Variants in PNLIP observed in about 807,000 individuals in gnomAD.
The protein encoded by PNLIP is pancreatic lipase.
A neutral mutation model predicts 57.1 loss-of-function variants in PNLIP; 49 were observed. That is an observed-to-expected ratio of 0.86 (90% CI 0.68 to 1.09). The LOEUF is 1.09. Among genes scored for constraint, PNLIP ranks in the 50% least tolerant of loss-of-function variants. The pLI is 0.00. For missense variants in PNLIP, 503 were observed against 570.2 expected (o/e 0.88, Z 1.20); for synonymous variants, 209 against 200.4 (o/e 1.04, Z -0.36).
In PNLIP at chr10:116,547,442, C is replaced by A; in HGVS notation, c.195C>A (p.Asn65Lys). ...FLLYTNENPN[N>K]FQEVAADSSS... is the part of the protein sequence containing the mutation. ...TATATACTAATGAGAACCCAAACAA[C>A]TTTCAAGTAAGAACTATCACTGTGT... Residue 65 changes from asparagine to lysine, a missense_variant, in exon 3 of 13, where the codon AAC becomes AAA. Physicochemically the swap from Asn to Lys is moderately conservative, Grantham distance 94 (BLOSUM62 0). Transcript: ENST00000369221. The A allele has an allele frequency of 3.1e-6, 5 of 1,611,634 alleles. No individual in the cohort carries two copies. The highest frequency in any genetic ancestry group is 1.1e-5 in the South Asian group (1 of 90,614).
chr10:116,565,037 G>C (rs1847349811), intron 12 of PNLIP, among the ~76,000 whole-genome samples: 1 of 151,936 alleles, frequency 6.6e-6, no homozygotes, highest in Non-Finnish European at 1.5e-5. Context: ...GAGGCGGGTG[G>C]ATCATGAGGT....
chr10:116,549,730 C>T (rs570936285), intron 4 of PNLIP, among the ~76,000 whole-genome samples: 35 of 151,988 alleles, frequency 2.3e-4, no homozygotes, highest in African/African-American at 3.9e-4. Flanking sequence ...TATAGAACAG[C>T]AAAGAAAAAA....
Position 116,560,492 on chromosome 10 carries a change from T to C in PNLIP, c.1137T>C (p.Asn379=), listed in dbSNP as rs1847302869. The C allele has an allele frequency of 6.3e-7, 1 of 1,588,134 alleles. No individual in the cohort carries two copies. Among genetic ancestry groups the C allele is most frequent in the Non-Finnish European group, 8.6e-7 (1 of 1,161,262 alleles). The change falls in exon 11 of 13, where the codon AAT becomes AAC. Residue 379 remains asparagine, a synonymous_variant. Coordinates refer to ENST00000369221, the MANE Select transcript of PNLIP (RefSeq NM_000936.4). ...TGHILVSLFG[N]KGNSKQYEIF... ...ACATACTAGTTTCTTTGTTCGGAAATAAAGGAAACTCTAAGCAGTATGAAA... is the reference window on the plus strand; with the variant it reads ...ACATACTAGTTTCTTTGTTCGGAAACAAAGGAAACTCTAAGCAGTATGAAA...
At chr10:116,558,693 C>A (rs191604717) in intron 9 of PNLIP, among the ~76,000 whole-genome samples, 1 of 151,500 alleles carries the variant, frequency 6.6e-6, no homozygotes, top group Non-Finnish European at 1.5e-5. Context: ...AGTGCAGCCT[C>A]GGCTCACTGC....
chr10:116,557,252 CA>C (rs1160082103), intron 9 of PNLIP, among the ~76,000 whole-genome samples: 4 of 152,164 alleles, frequency 2.6e-5, no homozygotes, highest in Non-Finnish European at 4.4e-5. Flanking sequence ...AGGTTTCATT[CA>C]GTTAAAACTT....
rs375193409 is a variant in PNLIP, at chr10:116,555,346, A to C, written c.692-42A>C. 105 of 1,614,038 alleles carry C rather than the reference A, an allele frequency of 6.5e-5. 1 individual carries two copies. The African/African-American group carries it at 1.1e-3, about 17-fold the overall frequency. On this transcript the variant is annotated intron_variant, in intron 7 of 12. Transcript: ENST00000369221. ...AAAGGGTGTTATAGTGTCTGAGTCTATATACATTAGCATAAACCCTCATGT... is the reference window on the plus strand; with the variant it reads ...AAAGGGTGTTATAGTGTCTGAGTCTCTATACATTAGCATAAACCCTCATGT...
chr10:116,564,947 A>T (rs779623975), intron 12 of PNLIP, among the ~76,000 whole-genome samples: 1 of 152,204 alleles, frequency 6.6e-6, no homozygotes, highest in Non-Finnish European at 1.5e-5. Context: ...ATAAAATATA[A>T]TCCAAAATAG....
intron 3 of PNLIP, among the ~76,000 whole-genome samples, chr10:116,547,725 C>CAAAA (rs569977938): frequency 3.4e-4 from 16 of 46,966 alleles, no homozygotes; most frequent in African/African-American, 4.9e-4. Context: ...GACTCCATCT[C>CAAAA]AAAAAAAAAA....
intron 9 of PNLIP, among the ~76,000 whole-genome samples, chr10:116,557,549 G>T (rs1392751240): frequency 2.6e-5 from 4 of 152,118 alleles, no homozygotes; most frequent in African/African-American, 7.2e-5. Context: ...ATGACGTCTT[G>T]GGCTTGTCTA....
At chr10:116,554,672 T>C (rs1847233428) in intron 6 of PNLIP, among the ~76,000 whole-genome samples, 1 of 152,210 alleles carries the variant, frequency 6.6e-6, no homozygotes, top group Non-Finnish European at 1.5e-5. Context: ...TTGGGATAAG[T>C]CGGCTGTATT....
At chr10:116,560,276 T>TACACACAC (rs71301597) in intron 10 of PNLIP, 140 bp from the exon 11 acceptor site, 299 of 425,204 alleles carry the variant, frequency 7.0e-4, no homozygotes, top group African/African-American at 2.1e-3. Context: ...ATTAGAAAAT[T>TACACACAC]ACACACACAC....
intron 6 of PNLIP, 121 bp downstream of exon 6, chr10:116,553,959 G>C (rs1169276402): frequency 5.9e-6 from 3 of 504,228 alleles, no homozygotes; most frequent in Non-Finnish European, 6.9e-6. Context: ...AAAAAAAAAA[G>C]AAAAAAAGGA....
At chr10:116,566,095 C>G (rs571228744) in intron 12 of PNLIP, among the ~76,000 whole-genome samples, 1 of 152,202 alleles carries the variant, frequency 6.6e-6, no homozygotes, top group Non-Finnish European at 1.5e-5. Flanking sequence ...ATGTGTGGGC[C>G]ACCGTGCCTG....
At chr10:116,547,480 T>G in intron 3 of PNLIP, 32 bp downstream of exon 3, 2 of 1,584,160 alleles carry the variant, frequency 1.3e-6, no homozygotes, top group Non-Finnish European at 1.7e-6. Context: ...AGAACTAAGT[T>G]CTTTGGGAGG....
At chr10:116,560,006 G>C (rs563184054) in intron 10 of PNLIP, among the ~76,000 whole-genome samples, 1 of 151,988 alleles carries the variant, frequency 6.6e-6, no homozygotes, top group Non-Finnish European at 1.5e-5. Flanking sequence ...AAAGATAGCA[G>C]TACCCTAAAA....
intron 12 of PNLIP, among the ~76,000 whole-genome samples, chr10:116,564,265 A>G (rs1847343183): frequency 2.0e-5 from 3 of 152,188 alleles, no homozygotes; most frequent in Admixed American, 2.0e-4. Flanking sequence ...GTTGAAACCC[A>G]ATTATAAAGA....
At chr10:116,551,345 T>A (rs1847190099) in intron 5 of PNLIP, 113 bp downstream of exon 5, 1 of 691,914 alleles carries the variant, frequency 1.4e-6, no homozygotes, top group Non-Finnish European at 2.1e-6. Flanking sequence ...ACTTCTCTAC[T>A]CAGATATGAT....
chr10:116,560,525 G>A lies in PNLIP; in HGVS notation c.1169+1G>A. 2.5e-6 allele frequency: 3 copies of A among 1,205,714 alleles called. No individual in the cohort carries two copies. The highest frequency in any genetic ancestry group is 3.6e-6 in the Non-Finnish European group (3 of 830,422). The allele number at this position is 1,205,714 out of a possible 1,614,324, so 74.7% of individuals were successfully genotyped here. On this transcript the variant is annotated splice_donor_variant, in intron 11 of 12. Transcript: ENST00000369221. LOFTEE classifies it high-confidence loss of function. Reference sequence around the variant, plus strand: ...ACTCTAAGCAGTATGAAATTTTCAAGTGAGTAAAATAATATTGCTCTATGC... The same window carrying A: ...ACTCTAAGCAGTATGAAATTTTCAAATGAGTAAAATAATATTGCTCTATGC...
chr10:116,558,632 T>G (rs187111861), intron 9 of PNLIP, among the ~76,000 whole-genome samples: 87 of 144,232 alleles, frequency 6.0e-4, no homozygotes, highest in African/African-American at 2.3e-3. Flanking sequence ...GTATGATTTG[T>G]TTTTTTTTTG....
Sources: allele counts gnomAD v4.1 joint callset (sites outside exome capture counted in the v4.1 genomes callset), GRCh38; gene constraint gnomAD v4.1.1; transcripts MANE v1.5; gene names NCBI Gene and HGNC (gene_info 2026-07-23, HGNC 2026-07-21).